Variants in UMAD1 observed in about 807,000 individuals in gnomAD.
UMAD1 encodes UBAP1-MVB12-associated (UMA)-domain containing protein 1.
A neutral mutation model predicts 6.1 loss-of-function variants in UMAD1; 8 were observed. The observed-to-expected ratio is 1.30, with a 90% CI of 0.76 to 2.35. The LOEUF (loss-of-function observed/expected upper bound fraction) is 2.35, where lower values mean the gene tolerates loss of function less well. UMAD1 is among the 30% of genes most tolerant of loss of function. UMAD1 has a pLI of 0.00. For synonymous variants in UMAD1, 56 were observed against 31.4 expected (o/e 1.78, Z -2.61); for missense variants, 130 against 78.4 (o/e 1.66, Z -2.49).
At chr7:7,790,367 G>A (rs1472732746) in intron 2 of UMAD1, among the ~76,000 whole-genome samples, 1 of 152,098 alleles carries the variant, frequency 6.6e-6, no homozygotes, top group Non-Finnish European at 1.5e-5. Flanking sequence ...TTGCTTTTGG[G>A]GGGCACATCC....
chr7:7,670,504 G>A (rs917575680), intron 1 of UMAD1, among the ~76,000 whole-genome samples: 5 of 152,098 alleles, frequency 3.3e-5, no homozygotes, highest in African/African-American at 1.2e-4. Flanking sequence ...CTAACGATTC[G>A]GTGGTTCTCA....
chr7:7,847,219 G>C (rs73057759), intron 3 of UMAD1, among the ~76,000 whole-genome samples: 34,682 of 144,218 alleles, frequency 0.24, 5,426 homozygotes, highest in Non-Finnish European at 0.34. Context: ...GTTTGCCTGG[G>C]ACTGTCCAGT....
intron 2 of UMAD1, among the ~76,000 whole-genome samples, chr7:7,705,982 T>G (rs1398033519): frequency 1.3e-5 from 2 of 152,128 alleles, no homozygotes; most frequent in African/African-American, 4.8e-5. Flanking sequence ...TTTAAAAAGG[T>G]ATGTGTACTC....
Position 7,682,414 on chromosome 7 carries a change from ATACT to A in UMAD1, c.82+8963_82+8966del, listed in dbSNP as rs796798694. 2.0e-4 allele frequency among the ~76,000 whole-genome samples: 30 copies of A among 152,270 alleles called. No individual in the cohort carries two copies. The East Asian group carries it at 5.4e-3, about 27-fold the overall frequency. ...ATTCTGGGAACCAAACCACATATAC[ATACT>A]TCATTTAAACTATCATATTTTTATA... On this transcript the variant is annotated intron_variant, in intron 2 of 3. Coordinates refer to ENST00000682710, the MANE Select transcript of UMAD1 (RefSeq NM_001302348.2).
In UMAD1 at chr7:7,686,278, A is replaced by G. The variant is rs28912739; in HGVS notation, c.82+12825A>G. On this transcript the variant is annotated intron_variant, in intron 2 of 3. Coordinates refer to ENST00000682710, the MANE Select transcript of UMAD1 (RefSeq NM_001302348.2). ...CTTGGCTGAATAGAGAGGGTGTATC[A>G]GGGCCACTATTGGGAAGTGTGTCCA... is the stretch of plus-strand genomic sequence containing the variant. Among the ~76,000 whole-genome samples, 16 of 152,288 alleles carry G rather than the reference A, an allele frequency of 1.1e-4. No homozygotes were observed. The East Asian group carries it at 3.1e-3, about 29-fold the overall frequency.
chr7:7,873,135 C>T (rs1435105314), intron 3 of UMAD1, among the ~76,000 whole-genome samples: 1 of 152,298 alleles, frequency 6.6e-6, no homozygotes, highest in East Asian at 1.9e-4. Flanking sequence ...TGTTATCAAT[C>T]TCATAATACA....
chr7:7,769,000 T>C (rs1433971504), intron 2 of UMAD1, among the ~76,000 whole-genome samples: 1 of 152,146 alleles, frequency 6.6e-6, no homozygotes, highest in Non-Finnish European at 1.5e-5. Context: ...CTAGAATGAG[T>C]GGTGACTAAA....
intron 2 of UMAD1, among the ~76,000 whole-genome samples, chr7:7,721,269 A>G (rs1162504486): frequency 6.6e-6 from 1 of 152,158 alleles, no homozygotes; most frequent in Non-Finnish European, 1.5e-5. Context: ...GCTTTAGGAA[A>G]CTAATACAGT....
chr7:7,716,590 A>C lies in UMAD1; in HGVS notation c.82+43137A>C, dbSNP rs186013517. Among the ~76,000 whole-genome samples, 41 of 152,330 alleles carry C rather than the reference A, an allele frequency of 2.7e-4. No homozygotes were observed. The South Asian group carries it at 5.0e-3, about 18-fold the overall frequency. ...TTTCTTTGTCACCACGTGCACAGTA[A>C]AGAGGCAGGCAACATGGTGCTGGCC... is the stretch of plus-strand genomic sequence containing the variant. On this transcript the variant is annotated intron_variant, in intron 2 of 3. Coordinates refer to ENST00000682710, the MANE Select transcript of UMAD1 (RefSeq NM_001302348.2).
intron 2 of UMAD1, among the ~76,000 whole-genome samples, chr7:7,701,493 C>T (rs1188583501): frequency 6.6e-6 from 1 of 152,190 alleles, no homozygotes; most frequent in Non-Finnish European, 1.5e-5. Context: ...AGTGCTCACT[C>T]TTACATGCTT....
At chr7:7,664,280 C>G (rs1333124986) in intron 1 of UMAD1, among the ~76,000 whole-genome samples, 4 of 152,158 alleles carry the variant, frequency 2.6e-5, no homozygotes, top group Non-Finnish European at 5.9e-5. Flanking sequence ...ATTCAAACTT[C>G]ACCCATCTTA....
intron 2 of UMAD1, among the ~76,000 whole-genome samples, chr7:7,677,658 T>TGATGGAGACACTTAGGTTGA (rs1563112336): frequency 3.2e-5 from 1 of 31,134 alleles, no homozygotes; most frequent in African/African-American, 6.5e-5. Context: ...ATTCATCTGT[T>TGATGGAGACACTTAGGTTGA]TTTTTGTTTT....
chr7:7,778,226 TTGTGTGTGTGTGTGTGTGTG>T (rs61647575), intron 2 of UMAD1, among the ~76,000 whole-genome samples: 6 of 126,460 alleles, frequency 4.7e-5, no homozygotes, highest in African/African-American at 1.6e-4. Context: ...AAAACTGGTT[TTGTGTGTGTGTGTGTGTGTG>T]TGTGTGTGTG....
intron 3 of UMAD1, among the ~76,000 whole-genome samples, chr7:7,812,169 T>C (rs1387943401): frequency 2.0e-5 from 3 of 152,182 alleles, no homozygotes; most frequent in Non-Finnish European, 4.4e-5. Context: ...TGAAACATAA[T>C]GTTCATTCAC....
intron 2 of UMAD1, among the ~76,000 whole-genome samples, chr7:7,744,186 A>T (rs922734856): frequency 2.0e-5 from 3 of 152,146 alleles, no homozygotes; most frequent in African/African-American, 7.2e-5. Context: ...TAAAATAGGT[A>T]GGTTTTTGTG....
chr7:7,716,953 T>C lies in UMAD1; in HGVS notation c.82+43500T>C, dbSNP rs192023304. 1.5e-3 allele frequency among the ~76,000 whole-genome samples: 231 copies of C among 152,210 alleles called. 1 individual carries two copies. The highest frequency in any genetic ancestry group is 2.5e-3 in the Non-Finnish European group (168 of 67,992). On this transcript the variant is annotated intron_variant, in intron 2 of 3. Transcript: ENST00000682710. ...TATGTAAATCAGACACCGCCTCCTA[T>C]AAAACCAACCTCTTCTTGCCCTGAA...
intron 2 of UMAD1, among the ~76,000 whole-genome samples, chr7:7,755,381 A>G (rs1413218748): frequency 6.6e-6 from 1 of 152,214 alleles, no homozygotes; most frequent in Non-Finnish European, 1.5e-5. Context: ...TCTAATCAAG[A>G]GCTCATTTAC....
At chr7:7,645,991 C>G (rs540051798) in intron 1 of UMAD1, among the ~76,000 whole-genome samples, 6 of 152,218 alleles carry the variant, frequency 3.9e-5, no homozygotes, top group East Asian at 3.9e-4. Flanking sequence ...TGTACTCAAA[C>G]CCCTTACGGG....
At chr7:7,778,631 G>A in intron 2 of UMAD1, among the ~76,000 whole-genome samples, 1 of 152,026 alleles carries the variant, frequency 6.6e-6, no homozygotes, top group East Asian at 1.9e-4. Flanking sequence ...GCCCAAAGTA[G>A]TTTCAAATTC....
Sources: gnomAD v4.1 joint callset for allele counts (sites outside exome capture counted in the v4.1 genomes callset) on GRCh38, gnomAD v4.1.1 for gene constraint, MANE v1.5 for transcripts, NCBI Gene and HGNC (gene_info 2026-07-23, HGNC 2026-07-21) for gene names.